The following C19orf18 variants were observed in gnomAD, a reference collection of about 807,000 sequenced individuals.
C19orf18 encodes uncharacterized protein C19orf18.
C19orf18 carries 21 observed loss-of-function variants against 23.3 expected under a neutral mutation model. The ratio of observed to expected loss-of-function variants is 0.90; its 90% confidence interval spans 0.64 to 1.30. C19orf18 has a LOEUF of 1.30. Ranked by LOEUF, C19orf18 falls within the 50% of genes most tolerant of loss-of-function variation. The pLI, the probability that C19orf18 is intolerant of heterozygous loss-of-function variation, is 0.00. For missense variants in C19orf18, 249 were observed against 259.6 expected (o/e 0.96, Z 0.28); for synonymous variants, 96 against 95.2 (o/e 1.01, Z -0.05).
intron 4 of C19orf18, among the ~76,000 whole-genome samples, chr19:57,965,843 T>C (rs1024419423): frequency 1.2e-4 from 19 of 152,218 alleles, no homozygotes; most frequent in African/African-American, 3.1e-4. Context: ...TCAAGCATTT[T>C]TGATCATGAC....
rs1245211123 is a variant in C19orf18, at chr19:57,969,768, T to C, written c.268+2695A>G. On this transcript the variant is annotated intron_variant, in intron 3 of 5. Coordinates refer to ENST00000314391, the MANE Select transcript of C19orf18 (RefSeq NM_152474.5). Reference sequence around the variant, plus strand: ...CTAAAAACACAAAATTAGCGGGGCATGGTAATGGGTGCCTGTAATCCCAGC... The same window carrying C: ...CTAAAAACACAAAATTAGCGGGGCACGGTAATGGGTGCCTGTAATCCCAGC... Among the ~76,000 whole-genome samples the C allele has an allele frequency of 3.4e-5, 5 of 149,192 alleles. No homozygotes were observed. In the South Asian group the frequency reaches 8.4e-4, roughly 25 times the overall value.
chr19:57,973,851 G>A (rs1041821786), intron 2 of C19orf18, among the ~76,000 whole-genome samples: 1 of 152,122 alleles, frequency 6.6e-6, no homozygotes, highest in African/African-American at 2.4e-5. Flanking sequence ...AATCTGGATG[G>A]GATCAAGGTT....
intron 5 of C19orf18, among the ~76,000 whole-genome samples, chr19:57,960,813 C>T (rs118180968): frequency 0.051 from 7,783 of 152,250 alleles, 274 homozygotes; most frequent in Middle Eastern, 0.12. Flanking sequence ...GGTTCATTTC[C>T]GTAAGTGTGG....
intron 3 of C19orf18, among the ~76,000 whole-genome samples, chr19:57,971,486 T>A (rs76292621): frequency 1.7e-5 from 2 of 118,640 alleles, no homozygotes; most frequent in East Asian, 5.5e-4. Context: ...TTGTTTTTTT[T>A]AAAAAAGACA....
intron 3 of C19orf18, among the ~76,000 whole-genome samples, chr19:57,970,612 C>T (rs75638717): frequency 0.021 from 3,150 of 151,566 alleles, 124 homozygotes; most frequent in African/African-American, 0.069. Flanking sequence ...TACAGAGTCT[C>T]GCTCTGTTGC....
chr19:57,967,360 A>G (rs2072916058), intron 3 of C19orf18, among the ~76,000 whole-genome samples: 1 of 152,230 alleles, frequency 6.6e-6, no homozygotes, highest in South Asian at 2.1e-4. Flanking sequence ...GAACACTGGC[A>G]GCATGTTCGT....
chr19:57,966,280 T>C (rs1434478408), intron 4 of C19orf18, among the ~76,000 whole-genome samples: 1 of 152,088 alleles, frequency 6.6e-6, no homozygotes, highest in Non-Finnish European at 1.5e-5. Flanking sequence ...CCCGGCGTAA[T>C]ATTTTCTAAT....
intron 4 of C19orf18, among the ~76,000 whole-genome samples, chr19:57,962,012 C>G (rs1394026035): frequency 6.8e-6 from 1 of 147,726 alleles, no homozygotes; most frequent in Non-Finnish European, 1.5e-5. Flanking sequence ...CTCTCTGTAT[C>G]TCTCCCTTTC....
At chr19:57,958,869 G>A (rs2072846937) in intron 5 of C19orf18, 152 bp from the exon 6 acceptor site, 6 of 500,214 alleles carry the variant, frequency 1.2e-5, no homozygotes, top group South Asian at 6.6e-5. Context: ...TGACAAGGAT[G>A]GTGAAAATTA....
chr19:57,959,260 G>A (rs969958748), intron 5 of C19orf18, among the ~76,000 whole-genome samples: 2 of 152,114 alleles, frequency 1.3e-5, no homozygotes, highest in Admixed American at 6.5e-5. Context: ...AGGCCAAGAC[G>A]GGAAGATCTC....
At chr19:57,965,921 CT>C (rs1247475834) in intron 4 of C19orf18, among the ~76,000 whole-genome samples, 1 of 151,652 alleles carries the variant, frequency 6.6e-6, no homozygotes, top group African/African-American at 2.4e-5. Flanking sequence ...TCACATGTAT[CT>C]GAAAAGTTTA....
At chr19:57,968,333 G>C (rs927927749) in intron 3 of C19orf18, among the ~76,000 whole-genome samples, 1 of 152,174 alleles carries the variant, frequency 6.6e-6, no homozygotes, top group Non-Finnish European at 1.5e-5. Context: ...TGGGGTTGGG[G>C]GACACCAGCA....
At position 57,961,491 on chromosome 19, in the gene C19orf18, T is replaced by C; in HGVS notation, c.432A>G (p.Ile144Met). 1 of 1,614,132 alleles carries C rather than the reference T, an allele frequency of 6.2e-7. No homozygotes were observed. Among genetic ancestry groups the C allele is most frequent in the Non-Finnish European group, 8.5e-7 (1 of 1,179,988 alleles). Residue 144 changes from isoleucine (I) to methionine (M), a missense_variant, in exon 5 of 6, where the codon ATA becomes ATG. Transcript: ENST00000314391. ...CCTCTTCTTCATCTCCTAATAACGG[T>C]ATCCTGAGGTTCTTATAAAGTGACT... ...QLESLYKNLR[I>M]PLLGDEEEGS...
At chr19:57,962,252 G>A (rs1162062690) in intron 4 of C19orf18, among the ~76,000 whole-genome samples, 1 of 151,968 alleles carries the variant, frequency 6.6e-6, no homozygotes, top group Admixed American at 6.6e-5. Flanking sequence ...GCCCAGGATG[G>A]TCTCAAACTC....
chr19:57,963,442 C>A (rs1488148156), intron 4 of C19orf18, among the ~76,000 whole-genome samples: 1 of 152,120 alleles, frequency 6.6e-6, no homozygotes, highest in African/African-American at 2.4e-5. Context: ...TGCTAAACCA[C>A]AGGGGAGCTT....
At chr19:57,964,059 G>A (rs1329093100) in intron 4 of C19orf18, among the ~76,000 whole-genome samples, 3 of 151,978 alleles carry the variant, frequency 2.0e-5, no homozygotes, top group Non-Finnish European at 4.4e-5. Context: ...TTTTGAACAG[G>A]TGGTTTTGTT....
chr19:57,961,205 A>C (rs1446162255), intron 5 of C19orf18, among the ~76,000 whole-genome samples, 186 bp downstream of exon 5: 2 of 152,018 alleles, frequency 1.3e-5, no homozygotes, highest in African/African-American at 4.8e-5. Context: ...ACTGCACTCC[A>C]GCCTGGGCTA....
In C19orf18 at chr19:57,958,646, T is replaced by G. The variant is rs571978259; in HGVS notation, c.604A>C (p.Lys202Gln). The G allele has an allele frequency of 1.9e-5, 30 of 1,608,890 alleles. 1 individual carries two copies. The East Asian group carries it at 6.7e-4, about 36-fold the overall frequency. The change falls in exon 6 of 6, where the codon AAA becomes CAA. Residue 202 changes from lysine to glutamine, a missense_variant. Transcript: ENST00000314391. ...KEEQNSVTEN[K>Q]TKNASHNGKM... ...CCATTATGTGACGCATTCTTTGTTT[T>G]GTTTTCTGTTACTGAGTTTTGCTCT...
chr19:57,973,877 T>C (rs2072964260), intron 2 of C19orf18, among the ~76,000 whole-genome samples: 1 of 146,556 alleles, frequency 6.8e-6, no homozygotes, highest in African/African-American at 2.6e-5. Flanking sequence ...GTGCGCTTAT[T>C]AAAGTGAAAT....
Sources: gnomAD v4.1 joint callset for allele counts (sites outside exome capture counted in the v4.1 genomes callset) on GRCh38, gnomAD v4.1.1 for gene constraint, MANE v1.5 for transcripts, NCBI Gene and HGNC (gene_info 2026-07-23, HGNC 2026-07-21) for gene names.